The following RYR2 variants were observed in gnomAD, a reference collection of about 807,000 sequenced individuals.
RYR2 encodes the protein cardiac muscle ryanodine receptor-calcium release channel.
Under a neutral mutation model 601.1 loss-of-function variants are expected in RYR2, and 227 were observed. That is an observed-to-expected ratio of 0.38 (90% CI 0.34 to 0.42). RYR2 has a LOEUF of 0.42. RYR2 is among the 10% of genes least tolerant of loss of function. The pLI, the probability that RYR2 is intolerant of heterozygous loss-of-function variation, is 1.00. For missense variants in RYR2, 4,646 were observed against 6,156.5 expected, an observed-to-expected ratio of 0.75 and a Z score of 8.21; for synonymous variants, 2,223 against 2,175.1, an observed-to-expected ratio of 1.02 and a Z score of -0.61.
chr1:237,067,002 A>T (rs888762228), intron 1 of RYR2, among the ~76,000 whole-genome samples: 1 of 152,112 alleles, frequency 6.6e-6, no homozygotes, highest in Non-Finnish European at 1.5e-5. Flanking sequence ...GGACTTTATA[A>T]AAAATGCTGA....
At chr1:237,183,871 A>AT (rs921926352) in intron 1 of RYR2, among the ~76,000 whole-genome samples, 8 of 152,150 alleles carry the variant, frequency 5.3e-5, no homozygotes, top group Non-Finnish European at 7.3e-5. Flanking sequence ...TACTAGTTAG[A>AT]TTTTTCATAA....
At chr1:237,800,673 T>G (rs1441585270) in intron 97 of RYR2, among the ~76,000 whole-genome samples, 1 of 152,180 alleles carries the variant, frequency 6.6e-6, no homozygotes, top group Non-Finnish European at 1.5e-5. Context: ...AGCTGGAATA[T>G]TGGAAAGGCT....
chr1:237,693,308 A>G (rs1687114257), intron 63 of RYR2, among the ~76,000 whole-genome samples: 1 of 152,200 alleles, frequency 6.6e-6, no homozygotes, highest in Admixed American at 6.5e-5. Flanking sequence ...CCTTAAAATA[A>G]TAAGATCATG....
intron 24 of RYR2, among the ~76,000 whole-genome samples, chr1:237,515,110 G>A (rs1171949954): frequency 3.3e-5 from 5 of 151,888 alleles, no homozygotes; most frequent in East Asian, 1.9e-4. Flanking sequence ...GACTTCCATC[G>A]TCATCTGTGT....
intron 2 of RYR2, among the ~76,000 whole-genome samples, chr1:237,274,408 AAG>A (rs200931533): frequency 3.3e-5 from 5 of 151,848 alleles, no homozygotes; most frequent in East Asian, 1.9e-4. Context: ...AAAGTTTAAA[AAG>A]TAAAAAAAAA....
rs139999831 is a variant in RYR2 at position 237,680,338 on chromosome 1, T to A, written c.8896-118T>A. 9.9e-5 allele frequency: 68 copies of A among 689,974 alleles called. No individual in the cohort carries two copies. In the East Asian group the frequency reaches 1.8e-3, roughly 18 times the overall value. 42.7% of individuals were successfully genotyped at this position (689,974 alleles called of 1,614,324 possible). On this transcript the variant is annotated intron_variant, in intron 61 of 104. Coordinates refer to ENST00000366574, the MANE Select transcript of RYR2 (RefSeq NM_001035.3). ...GAGGCATACTATGACGTGCCTGGCATGGACATAAGGAGACCTGTTGCATGT... is the reference window on the plus strand; with the variant it reads ...GAGGCATACTATGACGTGCCTGGCAAGGACATAAGGAGACCTGTTGCATGT...
chr1:237,316,532 C>G (rs979732158), intron 2 of RYR2, among the ~76,000 whole-genome samples: 1 of 152,166 alleles, frequency 6.6e-6, no homozygotes, highest in Non-Finnish European at 1.5e-5. Flanking sequence ...TGTTTGCTCT[C>G]GACAGATGTA....
intron 1 of RYR2, among the ~76,000 whole-genome samples, chr1:237,157,896 C>T (rs960064889): frequency 1.3e-5 from 2 of 152,026 alleles, no homozygotes; most frequent in African/African-American, 4.8e-5. Context: ...TGGAATGTGC[C>T]CAATGCAAAG....
chr1:237,768,444 A>G (rs1472182500), intron 84 of RYR2, among the ~76,000 whole-genome samples: 2 of 152,208 alleles, frequency 1.3e-5, no homozygotes, highest in Non-Finnish European at 2.9e-5. Context: ...CAGCAACAAT[A>G]TTGAAATACC....
chr1:237,380,589 A>G (rs1188416920), intron 8 of RYR2, among the ~76,000 whole-genome samples: 1 of 151,090 alleles, frequency 6.6e-6, no homozygotes, highest in Non-Finnish European at 1.5e-5. Flanking sequence ...TGAATGGCAC[A>G]TAAAAATTAT....
chr1:237,102,576 G>T (rs531668838), intron 1 of RYR2, among the ~76,000 whole-genome samples: 83 of 152,244 alleles, frequency 5.5e-4, no homozygotes, highest in African/African-American at 1.9e-3. Context: ...AATTTGACAG[G>T]CCGGCATGGT....
chr1:237,366,730 A>G (rs773582331), intron 5 of RYR2, among the ~76,000 whole-genome samples: 34 of 151,762 alleles, frequency 2.2e-4, no homozygotes, highest in Non-Finnish European at 4.3e-4. Context: ...TATATATGAA[A>G]TGTGTAGGCC....
intron 1 of RYR2, among the ~76,000 whole-genome samples, chr1:237,058,326 C>T (rs1283739617): frequency 6.6e-6 from 1 of 152,148 alleles, no homozygotes; most frequent in African/African-American, 2.4e-5. Flanking sequence ...AAGAAAATTC[C>T]AGTAATTTTT....
intron 25 of RYR2, among the ~76,000 whole-genome samples, chr1:237,540,462 G>T (rs1975962): frequency 0.36 from 54,829 of 151,548 alleles, 10,447 homozygotes; most frequent in East Asian, 0.48. Flanking sequence ...AATCCCAACA[G>T]TTGGGAGGCC....
chr1:237,054,158 CTCCT>C (rs1333244050), intron 1 of RYR2, among the ~76,000 whole-genome samples: 1 of 151,868 alleles, frequency 6.6e-6, no homozygotes, highest in South Asian at 2.1e-4. Context: ...GCCCTTCTTT[CTCCT>C]TCCTCCCTCC....
At chr1:237,152,734 G>A (rs1674866327) in intron 1 of RYR2, among the ~76,000 whole-genome samples, 1 of 152,142 alleles carries the variant, frequency 6.6e-6, no homozygotes, top group African/African-American at 2.4e-5. Flanking sequence ...TGCCATTCAG[G>A]ACATAGGCGT....
At chr1:237,211,498 T>C (rs906132965) in intron 1 of RYR2, among the ~76,000 whole-genome samples, 3 of 152,230 alleles carry the variant, frequency 2.0e-5, no homozygotes, top group Non-Finnish European at 4.4e-5. Flanking sequence ...TGCTGGAGTT[T>C]TCCCAGCTAG....
intron 68 of RYR2, 76 bp downstream of exon 68, chr1:237,707,345 AT>A: frequency 1.4e-6 from 1 of 718,334 alleles, no homozygotes; most frequent in Non-Finnish European, 2.1e-6. Flanking sequence ...ATAAACTAGA[AT>A]TTTCCCATCA....
At chr1:237,443,923 T>C (rs1261512156) in intron 13 of RYR2, among the ~76,000 whole-genome samples, 2 of 152,184 alleles carry the variant, frequency 1.3e-5, no homozygotes, top group South Asian at 2.1e-4. Flanking sequence ...TTAAATATTG[T>C]ATATTAAATT....
Sources: gnomAD v4.1 joint callset for allele counts (sites outside exome capture counted in the v4.1 genomes callset) on GRCh38, gnomAD v4.1.1 for gene constraint, MANE v1.5 for transcripts, NCBI Gene and HGNC (gene_info 2026-07-23, HGNC 2026-07-21) for gene names.